Variants in NIPSNAP3B observed in about 807,000 individuals in gnomAD.
NIPSNAP3B encodes protein NipSnap homolog 3B.
Under a neutral mutation model 31.5 loss-of-function variants are expected in NIPSNAP3B, and 30 were observed. The ratio of observed to expected loss-of-function variants is 0.95; its 90% confidence interval spans 0.71 to 1.29. The LOEUF (loss-of-function observed/expected upper bound fraction) is 1.29, where lower values mean the gene tolerates loss of function less well. Among genes scored for constraint, NIPSNAP3B ranks in the 50% most tolerant of loss-of-function variants. The pLI is 0.00. For synonymous variants in NIPSNAP3B, 106 were observed against 107.9 expected (o/e 0.98, Z 0.11); for missense variants, 269 against 300.7 (o/e 0.89, Z 0.78).
intron 2 of NIPSNAP3B, among the ~76,000 whole-genome samples, chr9:104,768,174 G>T (rs567702714): frequency 2.0e-5 from 3 of 152,196 alleles, no homozygotes; most frequent in Admixed American, 2.0e-4. Context: ...GACTATACTA[G>T]GCCCATATCT....
rs1028767951 is a variant in NIPSNAP3B, at chr9:104,776,681, A to C, written c.*3608A>C. ...TTACAGCAACCTGAACTAAGACACT[A>C]TCCCTCTCCCCTGCTTTCTTTTTCT... On this transcript the variant is annotated 3_prime_UTR_variant, in exon 6 of 6. Transcript: ENST00000374762. 2.0e-5 allele frequency among the ~76,000 whole-genome samples: 3 copies of C among 152,288 alleles called. No individual in the cohort carries two copies. Among genetic ancestry groups the C allele is most frequent in the South Asian group, 4.1e-4 (2 of 4,820 alleles).
the NIPSNAP3B span, among the ~76,000 whole-genome samples, chr9:104,789,826 G>A: frequency 2.0e-5 from 3 of 152,104 alleles, no homozygotes; most frequent in Non-Finnish European, 4.4e-5. Context: ...GGGCGCAGTG[G>A]CTCATGCCTG....
At chr9:104,789,816 G>A in the NIPSNAP3B span, among the ~76,000 whole-genome samples, 631 of 152,188 alleles carry the variant, frequency 4.1e-3, 2 homozygotes, top group African/African-American at 0.014. Flanking sequence ...CAGAGAAGCC[G>A]GGCGCAGTGG....
intron 2 of NIPSNAP3B, among the ~76,000 whole-genome samples, 187 bp from the exon 3 acceptor site, chr9:104,768,676 A>G (rs907076357): frequency 3.3e-5 from 5 of 151,976 alleles, no homozygotes; most frequent in Non-Finnish European, 5.9e-5. Flanking sequence ...TTACATTTCA[A>G]CTCCCCTTTT....
intron 4 of NIPSNAP3B, 70 bp from the exon 5 acceptor site, chr9:104,772,752 T>G: frequency 1.3e-6 from 2 of 1,506,480 alleles, no homozygotes; most frequent in Non-Finnish European, 1.8e-6. Flanking sequence ...CATTTCTGAT[T>G]CACTTTTTCA....
At chr9:104,781,212 T>A (rs1828527034), downstream of NIPSNAP3B, 1 of 152,578 alleles carries the variant, frequency 6.6e-6, no homozygotes, top group Non-Finnish European at 1.5e-5. Flanking sequence ...CAAAAATAGA[T>A]CCCATTACAG....
chr9:104,780,222 G>A (rs979809233), downstream of NIPSNAP3B, among the ~76,000 whole-genome samples: 8 of 152,270 alleles, frequency 5.3e-5, no homozygotes, highest in African/African-American at 1.9e-4. Flanking sequence ...TGATGCTGAT[G>A]CTCAGGGGGC....
chr9:104,764,151 C>T lies in NIPSNAP3B; in HGVS notation c.-90C>T, dbSNP rs1168697888. On this transcript the variant is annotated 5_prime_UTR_variant, in exon 1 of 6. Transcript: ENST00000374762. ...GCCCCTGCCTGAGTTCGCCAGTGGT[C>T]CAGGAGCCGCTTTTTTCCACTCGGG... 2 of 1,306,198 alleles carry T rather than the reference C, an allele frequency of 1.5e-6. No homozygotes were observed. The highest frequency in any genetic ancestry group is 1.5e-5 in the African/African-American group (1 of 66,642). 80.9% of individuals were successfully genotyped at this position (1,306,198 alleles called of 1,614,324 possible). A position where few individuals can be genotyped will look rare whatever the true frequency, so the allele number is the denominator to read the frequency against.
chr9:104,788,754 C>T, the NIPSNAP3B span, among the ~76,000 whole-genome samples: 1 of 152,212 alleles, frequency 6.6e-6, no homozygotes, highest in Non-Finnish European at 1.5e-5. Flanking sequence ...GGGTTCCTGC[C>T]TCTACCCTCC....
the NIPSNAP3B span, chr9:104,783,602 G>C: frequency 6.6e-6 from 1 of 152,450 alleles, no homozygotes; most frequent in African/African-American, 2.4e-5. Flanking sequence ...TATAACAATG[G>C]AACCAAGTTT....
rs1047779418 is a variant in NIPSNAP3B at position 104,773,514 on chromosome 9, G to A, written c.*441G>A. On this transcript the variant is annotated 3_prime_UTR_variant, in exon 6 of 6. Coordinates refer to ENST00000374762, the MANE Select transcript of NIPSNAP3B (RefSeq NM_018376.4). Reference sequence around the variant, plus strand: ...TTTTAAAAAAATTTGCTTAGTAAAGGTTATTTTGTGATATAAAATGGGATT... The same window carrying A: ...TTTTAAAAAAATTTGCTTAGTAAAGATTATTTTGTGATATAAAATGGGATT... The A allele has an allele frequency of 2.6e-5, 4 of 152,894 alleles. No homozygotes were observed. Among genetic ancestry groups the A allele is most frequent in the African/African-American group, 9.7e-5 (4 of 41,406 alleles). The allele number at this position is 152,894 out of a possible 1,614,324, so 9.5% of individuals were successfully genotyped here.
At position 104,773,885 on chromosome 9, in the gene NIPSNAP3B, A is replaced by C. The variant is rs148240985; in HGVS notation, c.*812A>C. On this transcript the variant is annotated 3_prime_UTR_variant, in exon 6 of 6. Transcript: ENST00000374762. ...ACATTTTATACTTATATGATCTCTA[A>C]AGCTCTTGCTATGTTGCTATAAGAC... The C allele has an allele frequency of 4.6e-5, 7 of 152,302 alleles. No individual in the cohort carries two copies. In the East Asian group the frequency reaches 7.7e-4, roughly 17 times the overall value. The allele number at this position is 152,302 out of a possible 1,614,324, so 9.4% of individuals were successfully genotyped here.
At chr9:104,768,425 T>C (rs945292953) in intron 2 of NIPSNAP3B, among the ~76,000 whole-genome samples, 1 of 152,226 alleles carries the variant, frequency 6.6e-6, no homozygotes, top group African/African-American at 2.4e-5. Flanking sequence ...AATGCTTCCA[T>C]TGATAAGAAT....
chr9:104,776,562 T>C lies in NIPSNAP3B; in HGVS notation c.*3489T>C, dbSNP rs1056997616. ...GAATGTAAGCCTTCACCAGAACTTC[T>C]TCATGCTGGCACCCTGGTCTTAGAC... On this transcript the variant is annotated 3_prime_UTR_variant, in exon 6 of 6. Transcript: ENST00000374762. Among the ~76,000 whole-genome samples the C allele has an allele frequency of 6.6e-6, 1 of 152,144 alleles. No individual in the cohort carries two copies. Among genetic ancestry groups the C allele is most frequent in the Non-Finnish European group, 1.5e-5 (1 of 68,032 alleles).
In NIPSNAP3B at chr9:104,773,861, C is replaced by T. The variant is rs1220473236; in HGVS notation, c.*788C>T. Reference sequence around the variant, plus strand: ...CATATTCATTGTTTTTTTAAATTCACATTTTATACTTATATGATCTCTAAA... The same window carrying T: ...CATATTCATTGTTTTTTTAAATTCATATTTTATACTTATATGATCTCTAAA... On this transcript the variant is annotated 3_prime_UTR_variant, in exon 6 of 6. Coordinates refer to ENST00000374762, the MANE Select transcript of NIPSNAP3B (RefSeq NM_018376.4). 8 of 152,116 alleles carry T rather than the reference C, an allele frequency of 5.3e-5. No homozygotes were observed. The highest frequency in any genetic ancestry group is 2.6e-4 in the Admixed American group (4 of 15,258). 9.4% of individuals were successfully genotyped at this position (152,116 alleles called of 1,614,324 possible).
chr9:104,781,135 A>G (rs1451561793), downstream of NIPSNAP3B: 1 of 152,604 alleles, frequency 6.6e-6, no homozygotes, highest in Admixed American at 6.5e-5. Context: ...TTTTAATGAA[A>G]ATGATTTAAC....
At chr9:104,786,788 T>TA in the NIPSNAP3B span, 2 of 1,258,734 alleles carry the variant, frequency 1.6e-6, no homozygotes, top group African/African-American at 3.0e-5. Context: ...TTTTCTGTAT[T>TA]TTCTAATTTT....
At chr9:104,771,693 G>A (rs1476544703) in intron 4 of NIPSNAP3B, among the ~76,000 whole-genome samples, 5 of 152,110 alleles carry the variant, frequency 3.3e-5, no homozygotes, top group African/African-American at 4.8e-5. Flanking sequence ...GAACATTCAC[G>A]TGCACATGTC....
chr9:104,775,610 G>A lies in NIPSNAP3B; in HGVS notation c.*2537G>A, dbSNP rs1828319174. On this transcript the variant is annotated 3_prime_UTR_variant, in exon 6 of 6. Coordinates refer to ENST00000374762, the MANE Select transcript of NIPSNAP3B (RefSeq NM_018376.4). ...CTCCTCCAGTCCACACCTCTTTTCT[G>A]AATCTTTTTTCAAATTCACACATGT... 6.6e-6 allele frequency among the ~76,000 whole-genome samples: 1 copy of A among 152,020 alleles called. No homozygotes were observed. The highest frequency in any genetic ancestry group is 2.4e-5 in the African/African-American group (1 of 41,388).
Sources: gnomAD v4.1 joint callset for allele counts (sites outside exome capture counted in the v4.1 genomes callset) on GRCh38, gnomAD v4.1.1 for gene constraint, MANE v1.5 for transcripts, NCBI Gene and HGNC (gene_info 2026-07-23, HGNC 2026-07-21) for gene names.